Variants in HIP1 observed in about 807,000 individuals in gnomAD.
HIP1 encodes the protein huntingtin-interacting protein 1.
In HIP1, 65 loss-of-function variants were observed where a neutral mutation model predicts 147.6. That is an observed-to-expected ratio of 0.44 (90% CI 0.36 to 0.54). The LOEUF is 0.54. HIP1 is among the 20% of genes least tolerant of loss of function. The probability of loss-of-function intolerance (pLI) is 0.00; values close to 1 mark genes in which losing one functional copy is unlikely to be tolerated. For synonymous variants in HIP1, 479 were observed against 504.0 expected (o/e 0.95, Z 0.67); for missense variants, 1,061 against 1,299.6 (o/e 0.82, Z 2.82).
chr7:75,717,054 A>G (rs186789177), intron 1 of HIP1, among the ~76,000 whole-genome samples: 168 of 152,082 alleles, frequency 1.1e-3, no homozygotes, highest in Non-Finnish European at 1.3e-4. Context: ...CCTGGGCTCA[A>G]GCAATCCTCT....
intron 1 of HIP1, among the ~76,000 whole-genome samples, chr7:75,703,609 A>C (rs781849320): frequency 1.7e-4 from 26 of 152,122 alleles, no homozygotes; most frequent in Non-Finnish European, 2.8e-4. Flanking sequence ...TCTCAAAAAA[A>C]AAAACAAAAC....
rs1198328673 is a variant in HIP1 at position 75,534,425 on chromosome 7, TTC to T, written c.*3745_*3746del. 1.3e-4 allele frequency: 25 copies of T among 188,286 alleles called. No homozygotes were observed. Among genetic ancestry groups the T allele is most frequent in the East Asian group, 2.5e-4 (3 of 11,822 alleles). 11.7% of individuals were successfully genotyped at this position (188,286 alleles called of 1,614,324 possible). On this transcript the variant is annotated 3_prime_UTR_variant, in exon 31 of 31. Transcript: ENST00000336926. Reference sequence around the variant, plus strand: ...AAGATGGCTCTTCTCTTCTATTTCTTTCTCTCTCTCTCTCTTTTTTTTTTTTG... The same window carrying T: ...AAGATGGCTCTTCTCTTCTATTTCTTTCTCTCTCTCTCTTTTTTTTTTTTG...
At chr7:75,640,051 T>C (rs1481586884) in intron 1 of HIP1, among the ~76,000 whole-genome samples, 2 of 152,196 alleles carry the variant, frequency 1.3e-5, no homozygotes, top group Non-Finnish European at 2.9e-5. Context: ...CCTTATTCGA[T>C]GCCGAAATGC....
intron 7 of HIP1, among the ~76,000 whole-genome samples, chr7:75,578,633 G>A (rs189641844): frequency 2.6e-5 from 4 of 152,166 alleles, no homozygotes; most frequent in East Asian, 3.9e-4. Flanking sequence ...AGCCGGAATC[G>A]CACCACTGCA....
rs1797396282 is a variant in HIP1, at chr7:75,610,555, A to G, written c.121-11308T>C. On this transcript the variant is annotated intron_variant, in intron 1 of 30. Coordinates refer to ENST00000336926, the MANE Select transcript of HIP1 (RefSeq NM_005338.7). ...ATTCCTATTTCTCTTAATACGTTTG[A>G]CACTGAGTATTACCTTCCCTCCCTA... Among the ~76,000 whole-genome samples the G allele has an allele frequency of 1.3e-5, 2 of 151,484 alleles. 1 individual carries two copies. The highest frequency in any genetic ancestry group is 4.2e-4 in the South Asian group (2 of 4,782).
intron 7 of HIP1, among the ~76,000 whole-genome samples, chr7:75,578,442 A>G (rs1795920508): frequency 6.6e-6 from 1 of 152,128 alleles, no homozygotes. Context: ...TTGGGAGGAA[A>G]AGGCAGGCAC....
At chr7:75,709,109 C>T (rs370802532) in intron 1 of HIP1, among the ~76,000 whole-genome samples, 9 of 131,424 alleles carry the variant, frequency 6.8e-5, no homozygotes, top group South Asian at 4.7e-4. Flanking sequence ...TTTTTCTTTT[C>T]TTTTTTTTTT....
At chr7:75,641,714 C>G (rs1798660888) in intron 1 of HIP1, among the ~76,000 whole-genome samples, 1 of 150,366 alleles carries the variant, frequency 6.7e-6, no homozygotes, top group African/African-American at 2.5e-5. Flanking sequence ...TCAGGCTGAT[C>G]TCGAACTCCC....
intron 1 of HIP1, among the ~76,000 whole-genome samples, chr7:75,736,065 T>TA (rs1250001247): frequency 2.9e-4 from 43 of 147,506 alleles, no homozygotes; most frequent in Non-Finnish European, 4.6e-4. Flanking sequence ...ACCTCCGTCT[T>TA]AAAAAAAAAA....
intron 1 of HIP1, among the ~76,000 whole-genome samples, chr7:75,614,462 A>G (rs1797562477): frequency 6.6e-6 from 1 of 152,204 alleles, no homozygotes; most frequent in Admixed American, 6.5e-5. Context: ...GAAACCAGAC[A>G]TGAAATGGGA....
chr7:75,631,770 C>T (rs1348879365), intron 1 of HIP1, among the ~76,000 whole-genome samples: 4 of 152,034 alleles, frequency 2.6e-5, no homozygotes, highest in Admixed American at 1.3e-4. Context: ...TGTGAGACTA[C>T]GTGCCTGTCC....
At chr7:75,616,640 G>A (rs1214396741) in intron 1 of HIP1, among the ~76,000 whole-genome samples, 1 of 148,358 alleles carries the variant, frequency 6.7e-6, no homozygotes, top group African/African-American at 2.4e-5. Flanking sequence ...GGAGGAGGAA[G>A]AAATAGTAGC....
intron 1 of HIP1, among the ~76,000 whole-genome samples, chr7:75,694,454 C>T (rs149051971): frequency 1.4e-3 from 207 of 151,302 alleles, no homozygotes; most frequent in African/African-American, 4.8e-3. Flanking sequence ...TACTTTCATA[C>T]TGAACCTTCT....
chr7:75,664,041 CAT>C lies in HIP1; in HGVS notation c.121-64796_121-64795del, dbSNP rs556719031. Among the ~76,000 whole-genome samples the C allele has an allele frequency of 6.2e-3, 152 of 24,550 alleles. 29 individuals are homozygous for C. The highest frequency in any genetic ancestry group is 0.055 in the African/African-American group (133 of 2,412). The allele number at this position is 24,550 out of a possible 152,430, so 16.1% of individuals were successfully genotyped here. ...ACACATATATGTGTATATATATACA[CAT>C]ATATGTGTATATACACATATATGTG... On this transcript the variant is annotated intron_variant, in intron 1 of 30. Transcript: ENST00000336926.
intron 30 of HIP1, 84 bp from the exon 31 acceptor site, chr7:75,538,308 C>T: frequency 1.0e-6 from 1 of 958,414 alleles, no homozygotes; most frequent in Non-Finnish European, 1.7e-6. Context: ...ACCATGGGGG[C>T]TCAAAAATAC....
At chr7:75,698,849 G>A (rs2117318279) in intron 1 of HIP1, among the ~76,000 whole-genome samples, 1 of 152,064 alleles carries the variant, frequency 6.6e-6, no homozygotes, top group South Asian at 2.1e-4. Context: ...TATATGCAAG[G>A]AGCGAGGAAG....
chr7:75,675,613 TTC>T (rs1392944568), intron 1 of HIP1, among the ~76,000 whole-genome samples: 10 of 152,200 alleles, frequency 6.6e-5, no homozygotes, highest in African/African-American at 2.4e-4. Context: ...CTCTTTGAAA[TTC>T]TGTTTTCATA....
At chr7:75,716,013 C>T (rs1801307568) in intron 1 of HIP1, among the ~76,000 whole-genome samples, 1 of 152,018 alleles carries the variant, frequency 6.6e-6, no homozygotes, top group South Asian at 2.1e-4. Flanking sequence ...AATGAGAACT[C>T]ACTCATGACT....
chr7:75,681,674 T>C (rs1368042109), intron 1 of HIP1, among the ~76,000 whole-genome samples: 1 of 151,856 alleles, frequency 6.6e-6, no homozygotes, highest in Non-Finnish European at 1.5e-5. Context: ...GCATGGCTAA[T>C]TTTTTATTTT....
Sources: allele counts gnomAD v4.1 joint callset (sites outside exome capture counted in the v4.1 genomes callset), GRCh38; gene constraint gnomAD v4.1.1; transcripts MANE v1.5; gene names NCBI Gene and HGNC (gene_info 2026-07-23, HGNC 2026-07-21).